Variants in CNTNAP2 observed in about 807,000 individuals in gnomAD.
The protein encoded by CNTNAP2 is contactin-associated protein-like 2.
CNTNAP2 carries 98 observed loss-of-function variants against 155.2 expected under a neutral mutation model. The observed-to-expected ratio is 0.63, with a 90% CI of 0.54 to 0.75. The LOEUF is 0.75. Among genes scored for constraint, CNTNAP2 ranks in the 30% least tolerant of loss-of-function variants. CNTNAP2 has a pLI of 0.00. For synonymous variants in CNTNAP2, 651 were observed against 631.2 expected (o/e 1.03, Z -0.47); for missense variants, 1,727 against 1,688.1 (o/e 1.02, Z -0.40).
chr7:148,085,358 G>T (rs542786082), intron 15 of CNTNAP2, among the ~76,000 whole-genome samples: 47 of 152,192 alleles, frequency 3.1e-4, no homozygotes, highest in African/African-American at 9.6e-4. Context: ...ATTTTATAAG[G>T]ATATAGCTTG....
intron 1 of CNTNAP2, among the ~76,000 whole-genome samples, chr7:146,134,014 A>G (rs1797758426): frequency 6.7e-6 from 1 of 148,880 alleles, no homozygotes; most frequent in Non-Finnish European, 1.5e-5. Context: ...CAGTATGGCC[A>G]TTTTCACGAT....
chr7:148,194,170 T>G (rs1795239528), intron 18 of CNTNAP2, among the ~76,000 whole-genome samples: 3 of 143,186 alleles, frequency 2.1e-5, no homozygotes, highest in African/African-American at 7.6e-5. Context: ...TGTGTACATA[T>G]TTTTTTTTGT....
intron 3 of CNTNAP2, among the ~76,000 whole-genome samples, chr7:146,970,998 A>C (rs1371864845): frequency 2.6e-5 from 4 of 152,138 alleles, no homozygotes; most frequent in Admixed American, 6.6e-5. Context: ...ACTCATAGGC[A>C]GGAATTGAAC....
chr7:148,280,753 T>C lies in CNTNAP2; in HGVS notation c.3475+13627T>C, dbSNP rs567490836. ...AGTCAACACGGCAAAACCCCGTCTC[T>C]ACTAAAAATACAAAAATTAGCCAGG... On this transcript the variant is annotated intron_variant, in intron 21 of 23. Coordinates refer to ENST00000361727, the MANE Select transcript of CNTNAP2 (RefSeq NM_014141.6). 3.9e-5 allele frequency among the ~76,000 whole-genome samples: 6 copies of C among 152,028 alleles called. 1 individual carries two copies. The South Asian group carries it at 1.2e-3, about 32-fold the overall frequency.
intron 3 of CNTNAP2, among the ~76,000 whole-genome samples, chr7:146,909,111 T>G (rs1456868890): frequency 6.6e-6 from 1 of 152,104 alleles, no homozygotes; most frequent in Non-Finnish European, 1.5e-5. Context: ...AGGAAGAAGT[T>G]GAATCTCTGA....
chr7:146,244,667 G>C (rs1484375338), intron 1 of CNTNAP2, among the ~76,000 whole-genome samples: 1 of 152,008 alleles, frequency 6.6e-6, no homozygotes, highest in Non-Finnish European at 1.5e-5. Context: ...TGAATACTAA[G>C]AGCCTGAAAA....
intron 15 of CNTNAP2, among the ~76,000 whole-genome samples, chr7:148,091,729 C>T (rs1803845149): frequency 6.6e-6 from 1 of 152,166 alleles, no homozygotes; most frequent in Admixed American, 6.5e-5. Flanking sequence ...TCTGTTACAT[C>T]TTATATTGAA....
At chr7:146,235,023 G>A (rs938162158) in intron 1 of CNTNAP2, among the ~76,000 whole-genome samples, 1 of 152,142 alleles carries the variant, frequency 6.6e-6, no homozygotes, top group Non-Finnish European at 1.5e-5. Flanking sequence ...ACCTCTGTCA[G>A]CATAGTCTGT....
At chr7:146,870,253 A>G (rs1027458326) in intron 3 of CNTNAP2, among the ~76,000 whole-genome samples, 3 of 151,334 alleles carry the variant, frequency 2.0e-5, no homozygotes, top group Non-Finnish European at 4.4e-5. Flanking sequence ...TACTGATTCA[A>G]TTTTGGAGCT....
At chr7:147,203,209 T>C (rs1802956221) in intron 8 of CNTNAP2, among the ~76,000 whole-genome samples, 1 of 152,162 alleles carries the variant, frequency 6.6e-6, no homozygotes, top group African/African-American at 2.4e-5. Flanking sequence ...TAAAATTTTT[T>C]GTAACTGAGG....
intron 8 of CNTNAP2, among the ~76,000 whole-genome samples, chr7:147,279,475 A>C (rs528168680): frequency 2.6e-5 from 4 of 151,942 alleles, no homozygotes; most frequent in South Asian, 4.1e-4. Context: ...ATAGGACCTA[A>C]TAATCATATA....
intron 13 of CNTNAP2, among the ~76,000 whole-genome samples, chr7:147,852,936 A>G (rs1240867574): frequency 6.6e-6 from 1 of 152,070 alleles, no homozygotes; most frequent in Admixed American, 6.6e-5. Flanking sequence ...TACCCCTTTA[A>G]TCCAGTGCTC....
chr7:147,921,105 T>G (rs973281051), intron 14 of CNTNAP2, among the ~76,000 whole-genome samples: 3 of 151,598 alleles, frequency 2.0e-5, no homozygotes, highest in African/African-American at 4.9e-5. Flanking sequence ...CACCACGCCC[T>G]GCCTCCTTTT....
At chr7:147,284,826 ATACCTTGAGAGG>A (rs1293639975) in intron 8 of CNTNAP2, among the ~76,000 whole-genome samples, 1 of 151,914 alleles carries the variant, frequency 6.6e-6, no homozygotes, top group African/African-American at 2.4e-5. Flanking sequence ...TAGTTAATGA[ATACCTTGAGAGG>A]TACCTTTCAA....
chr7:147,890,140 G>T (rs1322266863), intron 13 of CNTNAP2, among the ~76,000 whole-genome samples: 1 of 152,144 alleles, frequency 6.6e-6, no homozygotes, highest in Non-Finnish European at 1.5e-5. Context: ...ACGAGGTCAG[G>T]AATTCAAGAC....
intron 14 of CNTNAP2, among the ~76,000 whole-genome samples, chr7:147,966,836 C>A (rs1315291790): frequency 1.3e-5 from 2 of 152,094 alleles, no homozygotes; most frequent in African/African-American, 2.4e-5. Context: ...CAGGGGCCAT[C>A]AAGGCAAGAG....
chr7:148,068,912 CT>C (rs1803321759), intron 15 of CNTNAP2, among the ~76,000 whole-genome samples: 1 of 152,140 alleles, frequency 6.6e-6, no homozygotes, highest in Admixed American at 6.5e-5. Context: ...TAAGTTTTCT[CT>C]CTGTACAGCT....
intron 1 of CNTNAP2, among the ~76,000 whole-genome samples, chr7:146,692,530 G>C (rs980073801): frequency 7.9e-5 from 12 of 152,102 alleles, no homozygotes; most frequent in Non-Finnish European, 1.8e-4. Flanking sequence ...CTATTGTCAA[G>C]AGGGAAAATA....
intron 20 of CNTNAP2, among the ~76,000 whole-genome samples, chr7:148,231,343 T>C (rs895790846): frequency 6.6e-5 from 10 of 152,204 alleles, no homozygotes; most frequent in Non-Finnish European, 1.3e-4. Flanking sequence ...GGGGAGGGTC[T>C]GGTTCTATTG....
Sources: allele counts gnomAD v4.1 joint callset (sites outside exome capture counted in the v4.1 genomes callset), GRCh38; gene constraint gnomAD v4.1.1; transcripts MANE v1.5; gene names NCBI Gene and HGNC (gene_info 2026-07-23, HGNC 2026-07-21).